The following CSMD1 variants were observed in gnomAD, a reference collection of about 807,000 sequenced individuals.
CSMD1 encodes the protein CUB and sushi domain-containing protein 1.
CSMD1 carries 213 observed loss-of-function variants against 417.5 expected under a neutral mutation model. The observed-to-expected ratio is 0.51, with a 90% confidence interval of 0.46 to 0.57. The LOEUF (loss-of-function observed/expected upper bound fraction) is 0.57. CSMD1 is among the 20% of genes least tolerant of loss of function. CSMD1 has a pLI of 0.00. For missense variants in CSMD1, 6,923 were observed against 4,529.7 expected (o/e 1.53, Z -15.17); for synonymous variants, 2,862 against 1,736.8 (o/e 1.65, Z -16.11).
intron 37 of CSMD1, among the ~76,000 whole-genome samples, chr8:3,168,024 A>G (rs2129042589): frequency 6.6e-6 from 1 of 152,020 alleles, no homozygotes; most frequent in East Asian, 1.9e-4. Flanking sequence ...CATGACTGGC[A>G]GAGTGTAAGG....
chr8:3,554,358 C>T (rs895790732), intron 10 of CSMD1, among the ~76,000 whole-genome samples: 24 of 152,156 alleles, frequency 1.6e-4, no homozygotes, highest in Admixed American at 1.4e-3. Context: ...TGCTGGCTGG[C>T]GAGGGCTGTG....
chr8:2,993,391 AG>A (rs1469105400), intron 54 of CSMD1, among the ~76,000 whole-genome samples: 2 of 152,148 alleles, frequency 1.3e-5, no homozygotes, highest in Non-Finnish European at 2.9e-5. Flanking sequence ...ACTGCAGCAG[AG>A]GGGGCTACTG....
At chr8:3,832,801 C>T (rs545468231) in intron 5 of CSMD1, among the ~76,000 whole-genome samples, 59 of 152,204 alleles carry the variant, frequency 3.9e-4, no homozygotes, top group African/African-American at 1.2e-3. Context: ...GAAATACCTT[C>T]GCCTTATTAA....
chr8:4,832,639 C>G (rs929376150), intron 1 of CSMD1, among the ~76,000 whole-genome samples: 1 of 152,112 alleles, frequency 6.6e-6, no homozygotes. Flanking sequence ...AATCTATCTG[C>G]TAAATGCTTT....
intron 12 of CSMD1, among the ~76,000 whole-genome samples, chr8:3,455,664 C>A (rs1486224940): frequency 1.3e-5 from 2 of 152,192 alleles, no homozygotes; most frequent in Non-Finnish European, 2.9e-5. Context: ...CCTGATCCTT[C>A]CTCTGGAAAT....
chr8:3,781,385 A>G (rs561772887), intron 5 of CSMD1, among the ~76,000 whole-genome samples: 1 of 152,294 alleles, frequency 6.6e-6, no homozygotes, highest in Non-Finnish European at 1.5e-5. Flanking sequence ...TATAGAGTTA[A>G]TGCAAGCTTG....
At chr8:3,177,595 G>C (rs1032742215) in intron 37 of CSMD1, among the ~76,000 whole-genome samples, 1 of 152,102 alleles carries the variant, frequency 6.6e-6, no homozygotes, top group Non-Finnish European at 1.5e-5. Context: ...AGGGATAACT[G>C]GGGCAATAGA....
In CSMD1 at chr8:3,206,466, G is replaced by C. The variant is rs540813676; in HGVS notation, c.4868-846C>G. Among the ~76,000 whole-genome samples the C allele has an allele frequency of 3.7e-3, 233 of 62,944 alleles. 17 individuals are homozygous for C. The highest frequency in any genetic ancestry group is 0.014 in the African/African-American group (226 of 15,588). The allele number at this position is 62,944 out of a possible 152,430, so 41.3% of individuals were successfully genotyped here. A position where few individuals can be genotyped will look rare whatever the true frequency, so the allele number is the denominator to read the frequency against. On this transcript the variant is annotated intron_variant, in intron 30 of 69. Transcript: ENST00000635120. ...GTGTGTGTGTATGTGTGTGTGGGGG[G>C]GTTATGTCTGTGCGTGTATGTGTGT...
Position 4,747,011 on chromosome 8 carries a change from G to A in CSMD1, c.86-109453C>T, listed in dbSNP as rs565120436. Among the ~76,000 whole-genome samples the A allele has an allele frequency of 2.0e-4, 31 of 152,252 alleles. 1 individual carries two copies. The South Asian group carries it at 5.4e-3, about 26-fold the overall frequency. On this transcript the variant is annotated intron_variant, in intron 1 of 69. Coordinates refer to ENST00000635120, the MANE Select transcript of CSMD1 (RefSeq NM_033225.6). ...TCAAGCAGGGAACTCGTGAGAAGGCGGTTCAGAGAAGCCACTGAGTAGGGA... is the reference window on the plus strand; with the variant it reads ...TCAAGCAGGGAACTCGTGAGAAGGCAGTTCAGAGAAGCCACTGAGTAGGGA...
At chr8:3,729,618 G>A (rs1241450378) in intron 6 of CSMD1, among the ~76,000 whole-genome samples, 1 of 152,184 alleles carries the variant, frequency 6.6e-6, no homozygotes, top group Admixed American at 6.5e-5. Flanking sequence ...AGATCTTAGT[G>A]TGGAAAGACG....
At chr8:4,359,137 T>C (rs1316720342) in intron 3 of CSMD1, among the ~76,000 whole-genome samples, 1 of 152,196 alleles carries the variant, frequency 6.6e-6, no homozygotes, top group Non-Finnish European at 1.5e-5. Context: ...AAGGCAGAGT[T>C]GTAGCCCAGT....
At position 4,186,116 on chromosome 8, in the gene CSMD1, G is replaced by T. The variant is rs977224941; in HGVS notation, c.416-154017C>A. Among the ~76,000 whole-genome samples, 4 of 152,082 alleles carry T rather than the reference G, an allele frequency of 2.6e-5. No homozygotes were observed. In the East Asian group the frequency reaches 7.7e-4, roughly 29 times the overall value. On this transcript the variant is annotated intron_variant, in intron 3 of 69. Transcript: ENST00000635120. ...ACCCTCTTTGATTGGGCCATGCCAG[G>T]CTGTCACCAACGATTTGGCATCCAG...
chr8:4,086,909 G>C (rs1585284976), intron 3 of CSMD1, among the ~76,000 whole-genome samples: 1 of 152,202 alleles, frequency 6.6e-6, no homozygotes, highest in Non-Finnish European at 1.5e-5. Flanking sequence ...AATCAGGCAA[G>C]GGTTGAAGCT....
At chr8:4,541,244 AGAGT>A (rs1797370457) in intron 2 of CSMD1, among the ~76,000 whole-genome samples, 1 of 152,204 alleles carries the variant, frequency 6.6e-6, no homozygotes, top group Non-Finnish European at 1.5e-5. Flanking sequence ...TGTGTGACTT[AGAGT>A]GAGCCAGTTC....
chr8:3,146,849 G>C (rs995336255), intron 40 of CSMD1, among the ~76,000 whole-genome samples: 1 of 152,136 alleles, frequency 6.6e-6, no homozygotes, highest in Admixed American at 6.5e-5. Flanking sequence ...TCTGGGAGTA[G>C]AGTTAATCAA....
intron 12 of CSMD1, among the ~76,000 whole-genome samples, chr8:3,418,209 C>T (rs1196107020): frequency 6.6e-6 from 1 of 152,164 alleles, no homozygotes; most frequent in African/African-American, 2.4e-5. Flanking sequence ...TGTGTTTTTC[C>T]TTCCCTTTTG....
chr8:3,724,595 G>C (rs1380490436), intron 6 of CSMD1, among the ~76,000 whole-genome samples: 3 of 152,204 alleles, frequency 2.0e-5, no homozygotes, highest in Non-Finnish European at 2.9e-5. Context: ...ATTAGGGAGG[G>C]GGAATGAGAA....
chr8:4,293,771 T>A (rs77921913), intron 3 of CSMD1, among the ~76,000 whole-genome samples: 2,773 of 152,314 alleles, frequency 0.018, 45 homozygotes, highest in Non-Finnish European at 0.028. Flanking sequence ...ATCAGTTTGG[T>A]ACAAATAAAA....
At chr8:3,163,099 G>A (rs1321729523) in intron 37 of CSMD1, among the ~76,000 whole-genome samples, 1 of 152,116 alleles carries the variant, frequency 6.6e-6, no homozygotes, top group Non-Finnish European at 1.5e-5. Context: ...CAAGTTCTGA[G>A]GATCTAAAGT....
Sources: allele counts gnomAD v4.1 joint callset (sites outside exome capture counted in the v4.1 genomes callset), GRCh38; gene constraint gnomAD v4.1.1; transcripts MANE v1.5; gene names NCBI Gene and HGNC (gene_info 2026-07-23, HGNC 2026-07-21).